The following TMEM164 variants were observed in gnomAD, a reference collection of about 807,000 sequenced individuals.
The protein encoded by TMEM164 is transmembrane protein 164, also known as RP13-360B22.2.
TMEM164 carries 4 observed loss-of-function variants against 18.8 expected under a neutral mutation model. The ratio of observed to expected loss-of-function variants is 0.21; its 90% CI spans 0.10 to 0.49. The LOEUF (loss-of-function observed/expected upper bound fraction) is 0.49. TMEM164 is among the 20% of genes least tolerant of loss of function. TMEM164 has a pLI of 0.98. For missense variants in TMEM164, 108 were observed against 239.9 expected, an observed-to-expected ratio of 0.45 and a Z score of 3.63; for synonymous variants, 86 against 101.7, an observed-to-expected ratio of 0.85 and a Z score of 0.93.
chrX:110,017,405 C>CCTTCCTTTCTTTCTTTCTTTCTTT (rs1555984533), intron 2 of TMEM164, among the ~76,000 whole-genome samples: 7 of 15,288 alleles, frequency 4.6e-4, no homozygotes, highest in African/African-American at 7.8e-4. Context: ...CCACCTCCTT[C>CCTTCCTTTCTTTCTTTCTTTCTTT]CTTTCTTTCT....
intron 5 of TMEM164, among the ~76,000 whole-genome samples, chrX:110,145,871 T>C (rs1003972763): frequency 8.9e-6 from 1 of 111,941 alleles, no homozygotes; most frequent in Non-Finnish European, 1.9e-5. Context: ...CAGGAACATA[T>C]TACAGGATGG....
intron 5 of TMEM164, among the ~76,000 whole-genome samples, chrX:110,149,416 T>G (rs749641755): frequency 2.4e-4 from 27 of 112,085 alleles, no homozygotes; most frequent in African/African-American, 7.1e-4. Flanking sequence ...AATGACCATC[T>G]CTCAGTCTTT....
At chrX:110,113,941 G>A (rs1299345694) in intron 4 of TMEM164, among the ~76,000 whole-genome samples, 1 of 111,877 alleles carries the variant, frequency 8.9e-6, no homozygotes, top group Admixed American at 9.5e-5. Context: ...CCAGTGATAT[G>A]CCCTTTTGTT....
chrX:110,153,340 A>ATT (rs2066971222), intron 5 of TMEM164, among the ~76,000 whole-genome samples: 1 of 111,943 alleles, frequency 8.9e-6, no homozygotes, highest in African/African-American at 3.3e-5. Flanking sequence ...CTATTCAGGG[A>ATT]TGTATTCCTG....
rs1344169523 is a variant in TMEM164, at chrX:110,174,390, C to G, written c.*939C>G. 2 of 85,346 alleles carry G rather than the reference C, an allele frequency of 2.3e-5. No homozygotes were observed. The highest frequency in any genetic ancestry group is 1.3e-4 in the Admixed American group (1 of 7,513). The allele number at this position is 85,346 out of a possible 1,213,427, so 7.0% of individuals were successfully genotyped here. A position where few individuals can be genotyped will look rare whatever the true frequency, so the allele number is the denominator to read the frequency against. On this transcript the variant is annotated 3_prime_UTR_variant, in exon 7 of 7. Transcript: ENST00000372068. ...ACCCCTCCCCCTCCCCCCTCCCTCC[C>G]TCTTTCCCTCTCTCAGGCAGCTTCA...
chrX:110,092,858 G>A (rs928797568), intron 3 of TMEM164, among the ~76,000 whole-genome samples: 13 of 111,725 alleles, frequency 1.2e-4, no homozygotes, highest in African/African-American at 4.2e-4. Flanking sequence ...CTCATAAATA[G>A]CTCTTATTAT....
At chrX:110,106,113 A>C (rs2147965504) in intron 3 of TMEM164, among the ~76,000 whole-genome samples, 1 of 112,436 alleles carries the variant, frequency 8.9e-6, no homozygotes, top group Admixed American at 9.4e-5. Flanking sequence ...TTTATGTATT[A>C]AAGATAATTC....
intron 3 of TMEM164, among the ~76,000 whole-genome samples, chrX:110,101,076 C>T (rs975677667): frequency 1.8e-5 from 2 of 109,913 alleles, no homozygotes; most frequent in East Asian, 2.8e-4. Flanking sequence ...CCTCTCCTTC[C>T]TCCCCACTAC....
chrX:110,010,686 G>A (rs1035958491), intron 2 of TMEM164, among the ~76,000 whole-genome samples: 8 of 111,868 alleles, frequency 7.2e-5, no homozygotes, highest in African/African-American at 2.6e-4. Context: ...CATCCTAATT[G>A]AGCATGAGTC....
At position 110,171,403 on chromosome X, in the gene TMEM164, C is replaced by T; in HGVS notation, c.587-17C>T. On this transcript the variant is annotated splice_polypyrimidine_tract_variant and intron_variant, in intron 5 of 6. Coordinates refer to ENST00000372068, the MANE Select transcript of TMEM164 (RefSeq NM_032227.4). ...GTCACTATTCCTGCCATCTCACCATCTCCCCTCTTCCTCCAGGTGCTTACA... is the reference window on the plus strand; with the variant it reads ...GTCACTATTCCTGCCATCTCACCATTTCCCCTCTTCCTCCAGGTGCTTACA... 8.6e-7 allele frequency: 1 copy of T among 1,158,764 alleles called. No individual in the cohort carries two copies. Among genetic ancestry groups the T allele is most frequent in the Non-Finnish European group, 1.2e-6 (1 of 853,768 alleles).
At chrX:110,096,400 C>T (rs1427565332) in intron 3 of TMEM164, among the ~76,000 whole-genome samples, 1 of 112,878 alleles carries the variant, frequency 8.9e-6, no homozygotes, top group African/African-American at 3.2e-5. Flanking sequence ...ATGCCCCTTC[C>T]CCAGCCTTGC....
In TMEM164 at chrX:110,144,927, C is replaced by A. The variant is rs749829937; in HGVS notation, c.586+51C>A. 9.6e-6 allele frequency: 10 copies of A among 1,041,861 alleles called. No individual in the cohort carries two copies. In the South Asian group the frequency reaches 2.2e-4, roughly 23 times the overall value. 85.9% of individuals were successfully genotyped at this position (1,041,861 alleles called of 1,213,427 possible). A position where few individuals can be genotyped will look rare whatever the true frequency, so the allele number is the denominator to read the frequency against. On this transcript the variant is annotated intron_variant, in intron 5 of 6. Coordinates refer to ENST00000372068, the MANE Select transcript of TMEM164 (RefSeq NM_032227.4). ...TGTAACCCCCACACCTAACCTCTCCCTTCTGTTTTTGGGAGTCACAGCCTC... is the reference window on the plus strand; with the variant it reads ...TGTAACCCCCACACCTAACCTCTCCATTCTGTTTTTGGGAGTCACAGCCTC...
At chrX:110,156,140 C>T (rs1473949025) in intron 5 of TMEM164, among the ~76,000 whole-genome samples, 2 of 111,718 alleles carry the variant, frequency 1.8e-5, no homozygotes, top group African/African-American at 6.5e-5. Flanking sequence ...TGTGTCCAGG[C>T]TCATACTATC....
rs146766976 is a variant in TMEM164, at chrX:110,088,666, G to C, written c.441-20414G>C. Among the ~76,000 whole-genome samples, 475 of 111,784 alleles carry C rather than the reference G, an allele frequency of 4.2e-3. 1 individual carries two copies. Among genetic ancestry groups the C allele is most frequent in the African/African-American group, 0.014 (434 of 30,727 alleles). ...ATGTGTATTCTTCCCTTAATTCTTAGAAGAGGGAAGATGCTTTGGGGTTGT... is the reference window on the plus strand; with the variant it reads ...ATGTGTATTCTTCCCTTAATTCTTACAAGAGGGAAGATGCTTTGGGGTTGT... On this transcript the variant is annotated intron_variant, in intron 3 of 6. Transcript: ENST00000372068.
chrX:110,017,405 C>CCTTCCTTT (rs1555984533), intron 2 of TMEM164, among the ~76,000 whole-genome samples: 3 of 15,273 alleles, frequency 2.0e-4, no homozygotes, highest in Admixed American at 1.1e-3. Flanking sequence ...CCACCTCCTT[C>CCTTCCTTT]CTTTCTTTCT....
At chrX:110,086,537 G>A (rs1179866319) in intron 3 of TMEM164, among the ~76,000 whole-genome samples, 1 of 109,825 alleles carries the variant, frequency 9.1e-6, no homozygotes, top group Non-Finnish European at 1.9e-5. Flanking sequence ...GTACTTAATG[G>A]CACTGAACTG....
intron 2 of TMEM164, among the ~76,000 whole-genome samples, chrX:110,030,669 G>A (rs928927805): frequency 3.7e-5 from 4 of 107,013 alleles, no homozygotes; most frequent in African/African-American, 1.4e-4. Flanking sequence ...AAATTAGCCA[G>A]GTGTGGTGGT....
intron 3 of TMEM164, among the ~76,000 whole-genome samples, chrX:110,085,340 T>A (rs56865834): frequency 0.044 from 4,441 of 101,609 alleles, 196 homozygotes; most frequent in African/African-American, 0.14. Context: ...AAAAAAAATA[T>A]ATATATATAT....
intron 5 of TMEM164, among the ~76,000 whole-genome samples, chrX:110,149,489 G>C (rs1036653496): frequency 1.8e-5 from 2 of 111,565 alleles, no homozygotes; most frequent in Non-Finnish European, 3.8e-5. Context: ...GCTCTGCTTC[G>C]GGGCTTCCAA....
Sources: allele counts gnomAD v4.1 joint callset (sites outside exome capture counted in the v4.1 genomes callset), GRCh38; gene constraint gnomAD v4.1.1; transcripts MANE v1.5; gene names NCBI Gene and HGNC (gene_info 2026-07-23, HGNC 2026-07-21).